COL9A3: variants seen among roughly 807,000 people sequenced by gnomAD.
The protein encoded by COL9A3 is collagen type IX alpha 3 chain.
COL9A3 carries 82 observed loss-of-function variants against 110.2 expected under a neutral mutation model. That is an observed-to-expected ratio of 0.74 (90% CI 0.62 to 0.89). The LOEUF is 0.89. Ranked by LOEUF, COL9A3 falls within the 40% of genes least tolerant of loss-of-function variation. COL9A3 has a pLI of 0.00. For synonymous variants in COL9A3, 494 were observed against 403.8 expected (o/e 1.22, Z -2.68); for missense variants, 1,066 against 981.3 (o/e 1.09, Z -1.15).
intron 31 of COL9A3, among the ~76,000 whole-genome samples, chr20:62,839,851 CCCCTT>C (rs1182134793): frequency 6.6e-6 from 1 of 151,950 alleles, no homozygotes; most frequent in African/African-American, 2.4e-5. Flanking sequence ...GGAGCCCTCT[CCCCTT>C]CTCCCCTCCA....
rs1301590642 is a variant in COL9A3, at chr20:62,821,508, G to A, written c.347G>A (p.Gly116Asp). The change falls in exon 7 of 32, where the codon GGC (glycine) becomes GAC (aspartate). Residue 116 changes from glycine (G) to aspartate (D), a missense_variant and splice_region_variant. Gly to Asp is a moderately conservative substitution (Grantham distance 94). Transcript: ENST00000649368. ...CTGACCCCATGTTTGGCTTTGCAGG[G>A]CAAAGGCCTCCCTGGACCCCCCGTG... ...LGPPGPPGLG[G>D]KGLPGPPGEA... 1.2e-6 allele frequency: 2 copies of A among 1,612,854 alleles called. No individual in the cohort carries two copies. The highest frequency in any genetic ancestry group is 3.3e-5 in the Admixed American group (2 of 60,012).
chr20:62,825,982 C>A, intron 13 of COL9A3, 112 bp downstream of exon 13: 1 of 1,291,110 alleles, frequency 7.7e-7, no homozygotes, highest in Non-Finnish European at 1.1e-6. Flanking sequence ...GGGTGTTTGG[C>A]CAACACCCAG....
Position 62,826,210 on chromosome 20 carries a change from C to T in COL9A3, c.691C>T (p.Arg231Trp), listed in dbSNP as rs529628515. 1.4e-5 allele frequency: 22 copies of T among 1,561,618 alleles called. No homozygotes were observed. The highest frequency in any genetic ancestry group is 1.2e-4 in the African/African-American group (9 of 73,884). ...CTGTGCCTCTCTCTCGCAGGGCCCC[C>T]GGGGATTACGAGGACTGCCAGGGCC... ...LPGSVGLQGP[R>W]GLRGLPGPLG... is the part of the protein sequence containing the mutation. The change falls in exon 14 of 32, where the codon CGG (arginine) becomes TGG (tryptophan). Residue 231 changes from arginine to tryptophan, a missense_variant. Arg to Trp is a moderately radical substitution (Grantham distance 101, BLOSUM62 -3). Transcript: ENST00000649368.
At chr20:62,825,390 C>A in intron 12 of COL9A3, 1 of 333,362 alleles carries the variant, frequency 3.0e-6, no homozygotes. Flanking sequence ...GTGAGGATGG[C>A]TGGCTTTAGC....
chr20:62,829,036 C>T, intron 19 of COL9A3, 60 bp downstream of exon 19: 4 of 1,533,640 alleles, frequency 2.6e-6, no homozygotes, highest in African/African-American at 1.4e-5. Context: ...GCTCAGTGGC[C>T]CATGTTGGGC....
At chr20:62,820,062 A>C in intron 5 of COL9A3, 80 bp downstream of exon 5, 1 of 1,497,818 alleles carries the variant, frequency 6.7e-7, no homozygotes, top group Non-Finnish European at 9.2e-7. Flanking sequence ...TGTGTCCACA[A>C]GGCCAAGGAG....
intron 29 of COL9A3, 75 bp downstream of exon 29, chr20:62,836,607 A>G: frequency 6.9e-7 from 1 of 1,454,326 alleles, no homozygotes; most frequent in Non-Finnish European, 9.4e-7. Flanking sequence ...GCTACACAGA[A>G]AGCCTTCGTG....
At chr20:62,828,882 C>G (rs772079619) in intron 18 of COL9A3, 41 bp from the exon 19 acceptor site, 1 of 1,612,320 alleles carries the variant, frequency 6.2e-7, no homozygotes, top group Admixed American at 1.7e-5. Context: ...CCTCCCGAGG[C>G]CTCAGCCTCC....
intron 16 of COL9A3, 112 bp downstream of exon 16, chr20:62,827,406 C>T: frequency 1.8e-6 from 2 of 1,106,060 alleles, no homozygotes; most frequent in Non-Finnish European, 2.6e-6. Flanking sequence ...CAAGGGGCTG[C>T]CTGGGTGGGC....
intron 12 of COL9A3, chr20:62,825,318 C>T: frequency 3.0e-6 from 1 of 334,192 alleles, no homozygotes; most frequent in Non-Finnish European, 5.4e-6. Flanking sequence ...CAGACCCCGT[C>T]CTGCCTGGCC....
Position 62,819,247 on chromosome 20 carries a change from C to G in COL9A3, c.209C>G (p.Pro70Arg), listed in dbSNP as rs143307835. The G allele has an allele frequency of 6.2e-7, 1 of 1,612,714 alleles. No homozygotes were observed. Among genetic ancestry groups the G allele is most frequent in the Non-Finnish European group, 8.5e-7 (1 of 1,179,974 alleles). Residue 70 changes from proline (P) to arginine (R), a missense_variant, in exon 4 of 32, where the codon CCG (proline) becomes CGG (arginine). Transcript: ENST00000649368. ...PPGPKGAPGK[P>R]GKPGEAGLPG... is the part of the protein sequence containing the mutation. The stretch of plus-strand genomic sequence containing the variant: ...GGACCAAAGGGGGCCCCAGGAAAGC[C>G]GGGGAAACCAGGAGAGGCTGGGCTG...
chr20:62,826,930 G>A, intron 15 of COL9A3, 110 bp downstream of exon 15: 2 of 1,245,418 alleles, frequency 1.6e-6, no homozygotes, highest in Non-Finnish European at 2.3e-6. Context: ...CTGTGGCTGA[G>A]CTGTTCCCTG....
rs373771634 is a variant in COL9A3 at position 62,826,172 on chromosome 20, C to G, written c.685-32C>G. ...TGCTCCCCGGGGTGGAGGTGCAGCC[C>G]CAGCCTCTGCATCTGTGCCTCTCTC... On this transcript the variant is annotated intron_variant, in intron 13 of 31. Transcript: ENST00000649368. 27 of 1,549,018 alleles carry G rather than the reference C, an allele frequency of 1.7e-5. No individual in the cohort carries two copies. The African/African-American group carries it at 3.1e-4, about 18-fold the overall frequency.
At position 62,817,053 on chromosome 20, in the gene COL9A3, C is replaced by T. The variant is rs1990948908; in HGVS notation, c.-12C>T. On this transcript the variant is annotated 5_prime_UTR_variant, in exon 1 of 32. Coordinates refer to ENST00000649368, the MANE Select transcript of COL9A3 (RefSeq NM_001853.4). The stretch of plus-strand genomic sequence containing the variant: ...GCCCGCCCCGACGCCGCAGCTCAGA[C>T]TCCGCTCAGCCATGGCCGGGCCGCG... 2 of 1,329,784 alleles carry T rather than the reference C, an allele frequency of 1.5e-6. No individual in the cohort carries two copies. The highest frequency in any genetic ancestry group is 1.9e-6 in the Non-Finnish European group (2 of 1,033,688). The allele number at this position is 1,329,784 out of a possible 1,614,324, so 82.4% of individuals were successfully genotyped here. A position where few individuals can be genotyped will look rare whatever the true frequency, so the allele number is the denominator to read the frequency against.
intron 25 of COL9A3, 62 bp from the exon 26 acceptor site, chr20:62,832,958 A>G (rs1331307547): frequency 1.4e-6 from 2 of 1,423,424 alleles, no homozygotes; most frequent in Non-Finnish European, 2.0e-6. Context: ...AGGGACTTTA[A>G]GGCATGAAGT....
At chr20:62,836,802 A>G (rs1600811139) in intron 29 of COL9A3, 2 of 625,508 alleles carry the variant, frequency 3.2e-6, no homozygotes, top group Non-Finnish European at 5.6e-6. Context: ...CAATGGGTAC[A>G]AGAACAGCGG....
intron 12 of COL9A3, 61 bp from the exon 13 acceptor site, chr20:62,825,756 C>A: frequency 2.0e-6 from 3 of 1,510,024 alleles, no homozygotes; most frequent in Non-Finnish European, 2.7e-6. Flanking sequence ...TGACTGGAGG[C>A]ACCGAAAGGT....
chr20:62,837,605 A>G (rs575802473), intron 30 of COL9A3, among the ~76,000 whole-genome samples: 70 of 150,828 alleles, frequency 4.6e-4, no homozygotes, highest in Non-Finnish European at 7.8e-4. Context: ...TCGGGAGTTC[A>G]AGACCAGCCT....
intron 2 of COL9A3, among the ~76,000 whole-genome samples, chr20:62,818,057 A>G (rs527438715): frequency 2.6e-5 from 4 of 152,132 alleles, no homozygotes; most frequent in Non-Finnish European, 1.5e-5. Flanking sequence ...GATGTCCCCT[A>G]TGGGTATCTC....
Sources: allele counts gnomAD v4.1 joint callset (sites outside exome capture counted in the v4.1 genomes callset), GRCh38; gene constraint gnomAD v4.1.1; transcripts MANE v1.5; gene names NCBI Gene and HGNC (gene_info 2026-07-23, HGNC 2026-07-21).